Variants in HMBOX1 observed in about 807,000 individuals in gnomAD.
HMBOX1 encodes homeobox containing 1.
A neutral mutation model predicts 54.5 loss-of-function variants in HMBOX1; 14 were observed. The observed-to-expected ratio is 0.26, with a 90% confidence interval of 0.17 to 0.40. The LOEUF is 0.40. Among genes scored for constraint, HMBOX1 ranks in the 10% least tolerant of loss-of-function variants. The pLI is 1.00. For synonymous variants in HMBOX1, 160 were observed against 181.0 expected, an observed-to-expected ratio of 0.88 and a Z score of 0.93; for missense variants, 332 against 514.4, an observed-to-expected ratio of 0.65 and a Z score of 3.43.
At chr8:29,019,938 G>A (rs1312254046) in intron 6 of HMBOX1, among the ~76,000 whole-genome samples, 1 of 152,214 alleles carries the variant, frequency 6.6e-6, no homozygotes, top group Non-Finnish European at 1.5e-5. Context: ...GTGAAGGTGA[G>A]ATCCAGTATC....
chr8:29,049,306 G>T (rs780828085), intron 9 of HMBOX1: 1 of 1,536,120 alleles, frequency 6.5e-7, no homozygotes, highest in Non-Finnish European at 8.7e-7. Flanking sequence ...TGGCAAGTAC[G>T]CAATGGGGAG....
At chr8:29,032,140 A>G (rs1397610029) in intron 6 of HMBOX1, among the ~76,000 whole-genome samples, 1 of 152,228 alleles carries the variant, frequency 6.6e-6, no homozygotes, top group Non-Finnish European at 1.5e-5. Context: ...ATTTGTATCT[A>G]TGTGAAGTAA....
intron 5 of HMBOX1, among the ~76,000 whole-genome samples, chr8:29,010,367 G>A (rs964758403): frequency 2.6e-5 from 4 of 152,098 alleles, no homozygotes; most frequent in African/African-American, 9.7e-5. Flanking sequence ...GACCAGCCTG[G>A]CCAACATGGT....
At chr8:28,999,583 C>A (rs1377052689) in intron 4 of HMBOX1, among the ~76,000 whole-genome samples, 1 of 151,740 alleles carries the variant, frequency 6.6e-6, no homozygotes, top group African/African-American at 2.4e-5. Context: ...TTCTTTTTTT[C>A]TTTTTGTTCC....
chr8:28,947,834 C>G (rs958483070), intron 1 of HMBOX1, among the ~76,000 whole-genome samples: 1 of 152,196 alleles, frequency 6.6e-6, no homozygotes, highest in Non-Finnish European at 1.5e-5. Flanking sequence ...ATATTGTCTT[C>G]GTGCAGTTTC....
intron 2 of HMBOX1, among the ~76,000 whole-genome samples, chr8:28,968,876 T>C (rs931535702): frequency 3.9e-5 from 6 of 152,096 alleles, no homozygotes; most frequent in African/African-American, 2.4e-5. Flanking sequence ...TCAGGTCTTA[T>C]AAGAAAGGAA....
At chr8:29,026,749 T>C (rs748772230) in intron 6 of HMBOX1, among the ~76,000 whole-genome samples, 2 of 152,208 alleles carry the variant, frequency 1.3e-5, no homozygotes, top group Non-Finnish European at 2.9e-5. Context: ...AGATTTGAGT[T>C]CTTATTAACT....
chr8:29,032,941 AT>A (rs1392729499), intron 6 of HMBOX1, among the ~76,000 whole-genome samples: 3 of 152,210 alleles, frequency 2.0e-5, no homozygotes, highest in Non-Finnish European at 4.4e-5. Context: ...TAATCAAAAG[AT>A]TTAAAGTGAT....
intron 2 of HMBOX1, among the ~76,000 whole-genome samples, chr8:28,965,432 G>T (rs977138694): frequency 1.3e-5 from 2 of 152,192 alleles, no homozygotes; most frequent in Non-Finnish European, 2.9e-5. Context: ...AACATAGACA[G>T]ACTTCACAGG....
At position 28,980,150 on chromosome 8, in the gene HMBOX1, G is replaced by C; in HGVS notation, c.580G>C (p.Val194Leu). 6.2e-7 allele frequency: 1 copy of C among 1,611,794 alleles called. No individual in the cohort carries two copies. Among genetic ancestry groups the C allele is most frequent in the Middle Eastern group, 1.7e-4 (1 of 6,056 alleles). ...RRISQAVVAQ[V>L]TGISQSRISH... Reference sequence around the variant, plus strand: ...GATTTCCCAAGCAGTTGTTGCACAGGTAACAGGTAAGAGCTGAAGAGCCCT... The same window carrying C: ...GATTTCCCAAGCAGTTGTTGCACAGCTAACAGGTAAGAGCTGAAGAGCCCT... The change falls in exon 4 of 10, where the codon GTA becomes CTA. Residue 194 changes from valine (V) to leucine (L), a missense_variant. Physicochemically the swap from Val to Leu is conservative, Grantham distance 32. Transcript: ENST00000287701.
intron 6 of HMBOX1, among the ~76,000 whole-genome samples, chr8:29,037,993 GT>G (rs1486765953): frequency 6.6e-6 from 1 of 152,180 alleles, no homozygotes; most frequent in Non-Finnish European, 1.5e-5. Context: ...AAATGATGAG[GT>G]TTGAATATCT....
chr8:28,923,830 T>C (rs369168982), intron 1 of HMBOX1, among the ~76,000 whole-genome samples: 2 of 152,164 alleles, frequency 1.3e-5, no homozygotes, highest in East Asian at 3.9e-4. Flanking sequence ...TGGTATCTCA[T>C]TGAGGTTTTG....
In HMBOX1 at chr8:28,980,203, C is replaced by T. The variant is rs530004269; in HGVS notation, c.586+47C>T. On this transcript the variant is annotated intron_variant, in intron 4 of 9. Transcript: ENST00000287701. ...ATTCTGGAATCATGTGTAGTCTCTG[C>T]CTTCTGGTGCAGATGTTGGAATATT... The T allele has an allele frequency of 2.3e-6, 3 of 1,323,078 alleles. No individual in the cohort carries two copies. The East Asian group carries it at 6.9e-5, about 30-fold the overall frequency. 82.0% of individuals were successfully genotyped at this position (1,323,078 alleles called of 1,614,324 possible). A position where few individuals can be genotyped will look rare whatever the true frequency, so the allele number is the denominator to read the frequency against.
intron 4 of HMBOX1, among the ~76,000 whole-genome samples, chr8:29,000,285 CACT>C (rs1484129316): frequency 6.6e-6 from 1 of 152,200 alleles, no homozygotes; most frequent in Non-Finnish European, 1.5e-5. Flanking sequence ...CGTAAACCTT[CACT>C]TTCTCTTTGT....
At chr8:29,017,744 G>A (rs1289773799) in intron 5 of HMBOX1, among the ~76,000 whole-genome samples, 4 of 152,136 alleles carry the variant, frequency 2.6e-5, no homozygotes, top group African/African-American at 2.4e-5. Context: ...TACATCTAAA[G>A]ATGTAGCTAT....
chr8:29,034,862 AAAAT>A (rs149008888), intron 6 of HMBOX1, among the ~76,000 whole-genome samples: 2 of 152,092 alleles, frequency 1.3e-5, no homozygotes, highest in East Asian at 1.9e-4. Context: ...ATCTCAAAAT[AAAAT>A]AAATAAATAA....
At chr8:28,939,636 A>G (rs1240047418) in intron 1 of HMBOX1, among the ~76,000 whole-genome samples, 1 of 151,806 alleles carries the variant, frequency 6.6e-6, no homozygotes, top group Admixed American at 6.6e-5. Context: ...CAGCCTCCCG[A>G]TTAGCTGGGA....
intron 5 of HMBOX1, among the ~76,000 whole-genome samples, chr8:29,017,279 G>T (rs1430911562): frequency 4.6e-5 from 7 of 152,166 alleles, no homozygotes; most frequent in Admixed American, 4.6e-4. Flanking sequence ...CCCAGAGCCA[G>T]CATTTTAGGA....
At chr8:29,014,274 A>G (rs946566659) in intron 5 of HMBOX1, among the ~76,000 whole-genome samples, 3 of 152,182 alleles carry the variant, frequency 2.0e-5, no homozygotes, top group Non-Finnish European at 2.9e-5. Flanking sequence ...TGGGGGGAAA[A>G]AAGATTTCTG....
Sources: allele counts gnomAD v4.1 joint callset (sites outside exome capture counted in the v4.1 genomes callset), GRCh38; gene constraint gnomAD v4.1.1; transcripts MANE v1.5; gene names NCBI Gene and HGNC (gene_info 2026-07-23, HGNC 2026-07-21).